The following DCDC1 variants were observed in gnomAD, a reference collection of about 807,000 sequenced individuals.
DCDC1 encodes the protein doublecortin domain-containing protein 1.
In DCDC1, 200 loss-of-function variants were observed where a neutral mutation model predicts 178.3. The observed-to-expected ratio is 1.12, with a 90% confidence interval of 1.00 to 1.26. DCDC1 has a LOEUF of 1.26. DCDC1 is among the 50% of genes most tolerant of loss of function. DCDC1 has a pLI of 0.00. For synonymous variants in DCDC1, 690 were observed against 604.8 expected (o/e 1.14, Z -2.07); for missense variants, 1,983 against 1,749.2 (o/e 1.13, Z -2.38).
At chr11:31,083,941 T>C (rs1176927835) in intron 17 of DCDC1, among the ~76,000 whole-genome samples, 4 of 152,216 alleles carry the variant, frequency 2.6e-5, no homozygotes, top group Non-Finnish European at 5.9e-5. Flanking sequence ...TCGATTCAAC[T>C]AGTTTATCTG....
chr11:31,122,755 G>A (rs1056735206), intron 11 of DCDC1, among the ~76,000 whole-genome samples: 4 of 152,086 alleles, frequency 2.6e-5, no homozygotes, highest in African/African-American at 4.8e-5. Flanking sequence ...GACCGCTCTT[G>A]TTAATCAATG....
chr11:31,176,225 T>C (rs1200846662), intron 9 of DCDC1, among the ~76,000 whole-genome samples: 1 of 152,082 alleles, frequency 6.6e-6, no homozygotes, highest in Non-Finnish European at 1.5e-5. Flanking sequence ...CAAAGTGAAA[T>C]GTTGAAGGTG....
Position 31,256,684 on chromosome 11 carries a change from T to C in DCDC1, c.1054+8823A>G, listed in dbSNP as rs145875383. 6.6e-5 allele frequency among the ~76,000 whole-genome samples: 10 copies of C among 152,326 alleles called. No individual in the cohort carries two copies. The East Asian group carries it at 1.9e-3, about 29-fold the overall frequency. ...CTATATTGGGTCATGTAGTTGAATA[T>C]ACAGCTTTGTAGTTGTATTTTTACA... On this transcript the variant is annotated intron_variant, in intron 8 of 38. Transcript: ENST00000684477.
At chr11:30,971,714 A>T (rs1351078720) in intron 20 of DCDC1, among the ~76,000 whole-genome samples, 1 of 141,988 alleles carries the variant, frequency 7.0e-6, no homozygotes, top group African/African-American at 2.7e-5. Context: ...GGTTCACACC[A>T]TTCTCCTGCC....
intron 20 of DCDC1, among the ~76,000 whole-genome samples, chr11:31,063,465 C>G (rs1170673975): frequency 6.6e-6 from 1 of 152,062 alleles, no homozygotes; most frequent in African/African-American, 2.4e-5. Flanking sequence ...TGTCCAACAA[C>G]CATAGACTGG....
At chr11:31,027,268 T>C (rs558054293) in intron 20 of DCDC1, among the ~76,000 whole-genome samples, 31 of 151,882 alleles carry the variant, frequency 2.0e-4, no homozygotes, top group Admixed American at 9.2e-4. Context: ...TATAGTCAAA[T>C]GATATCTCTT....
chr11:31,015,238 G>A (rs925207307), intron 20 of DCDC1, among the ~76,000 whole-genome samples: 2 of 152,064 alleles, frequency 1.3e-5, no homozygotes, highest in Non-Finnish European at 2.9e-5. Context: ...TTCAGCCACC[G>A]TGCCAGGCCT....
At chr11:30,875,692 T>C (rs1942055416) in intron 38 of DCDC1, among the ~76,000 whole-genome samples, 1 of 152,150 alleles carries the variant, frequency 6.6e-6, no homozygotes, top group Non-Finnish European at 1.5e-5. Flanking sequence ...AGAGAATATA[T>C]TTATATTTAT....
chr11:31,301,347 G>A (rs755616859), intron 6 of DCDC1, among the ~76,000 whole-genome samples: 1 of 152,190 alleles, frequency 6.6e-6, no homozygotes, highest in African/African-American at 2.4e-5. Flanking sequence ...AGTAGTGGTT[G>A]CCCTGTAGGT....
chr11:31,184,483 T>C (rs1017322040), intron 9 of DCDC1, among the ~76,000 whole-genome samples: 3 of 152,170 alleles, frequency 2.0e-5, no homozygotes, highest in South Asian at 4.1e-4. Context: ...AAAGAAATTA[T>C]CATCAGAGTG....
intron 11 of DCDC1, among the ~76,000 whole-genome samples, chr11:31,112,967 G>T (rs1284229877): frequency 6.6e-6 from 1 of 152,044 alleles, no homozygotes; most frequent in Non-Finnish European, 1.5e-5. Context: ...GGGAGGGGCC[G>T]ACAATAAGCA....
At chr11:31,013,142 C>G (rs1952275099) in intron 20 of DCDC1, among the ~76,000 whole-genome samples, 1 of 152,174 alleles carries the variant, frequency 6.6e-6, no homozygotes, top group Non-Finnish European at 1.5e-5. Context: ...CCCACCAGAT[C>G]TTTCTCCAGC....
intron 9 of DCDC1, among the ~76,000 whole-genome samples, chr11:31,216,935 AT>A (rs141174047): frequency 1.3e-5 from 2 of 152,310 alleles, no homozygotes; most frequent in East Asian, 3.9e-4. Context: ...CTAAATCTTT[AT>A]TTTAAAAATT....
At chr11:31,260,987 G>A (rs1366568394) in intron 8 of DCDC1, among the ~76,000 whole-genome samples, 1 of 152,106 alleles carries the variant, frequency 6.6e-6, no homozygotes, top group Non-Finnish European at 1.5e-5. Flanking sequence ...AAAAGGGTAG[G>A]GGTAGAATTC....
intron 23 of DCDC1, among the ~76,000 whole-genome samples, chr11:30,924,194 T>C (rs886195667): frequency 2.0e-5 from 3 of 152,110 alleles, no homozygotes; most frequent in African/African-American, 7.2e-5. Context: ...AAACCCACAG[T>C]GAATAGCACA....
intron 3 of DCDC1, among the ~76,000 whole-genome samples, chr11:31,322,433 T>A (rs545821453): frequency 1.3e-5 from 2 of 152,192 alleles, no homozygotes; most frequent in African/African-American, 2.4e-5. Context: ...TATCCTACGA[T>A]CAGCTCCAGT....
intron 28 of DCDC1, among the ~76,000 whole-genome samples, chr11:30,909,773 T>C (rs1279193209): frequency 6.6e-6 from 1 of 152,134 alleles, no homozygotes; most frequent in Non-Finnish European, 1.5e-5. Flanking sequence ...ATCAAAGAGG[T>C]TTATTTTTTA....
At chr11:31,268,889 T>C (rs1305308811) in intron 7 of DCDC1, among the ~76,000 whole-genome samples, 1 of 152,212 alleles carries the variant, frequency 6.6e-6, no homozygotes, top group Non-Finnish European at 1.5e-5. Context: ...GTTGTCTTTT[T>C]GACTTTTTCA....
rs758412953 is a variant in DCDC1 at position 31,275,574 on chromosome 11, G to A, written c.961-9974C>T. Among the ~76,000 whole-genome samples, 7 of 151,816 alleles carry A rather than the reference G, an allele frequency of 4.6e-5. No homozygotes were observed. The South Asian group carries it at 6.2e-4, about 14-fold the overall frequency. On this transcript the variant is annotated intron_variant, in intron 7 of 38. Coordinates refer to ENST00000684477, the MANE Select transcript of DCDC1 (RefSeq NM_001387274.1). ...GGCTGGAGTGCAATGGCTTGATCTC[G>A]GCTCACTGCAACCTCTGCCTCCCGG...
Sources: gnomAD v4.1 joint callset for allele counts (sites outside exome capture counted in the v4.1 genomes callset) on GRCh38, gnomAD v4.1.1 for gene constraint, MANE v1.5 for transcripts, NCBI Gene and HGNC (gene_info 2026-07-23, HGNC 2026-07-21) for gene names.